The following ZNF804B variants were observed in gnomAD, a reference collection of about 807,000 sequenced individuals.
The protein encoded by ZNF804B is zinc finger 804B.
ZNF804B carries 80 observed loss-of-function variants against 101.4 expected under a neutral mutation model. The observed-to-expected ratio is 0.79, with a 90% CI of 0.66 to 0.95. The LOEUF (loss-of-function observed/expected upper bound fraction) is 0.95, where lower values mean the gene tolerates loss of function less well. Among genes scored for constraint, ZNF804B ranks in the 40% least tolerant of loss-of-function variants. The pLI, the probability that ZNF804B is intolerant of heterozygous loss-of-function variation, is 0.00. For missense variants in ZNF804B, 1,673 were observed against 1,561.9 expected (o/e 1.07, Z -1.20); for synonymous variants, 622 against 558.8 (o/e 1.11, Z -1.59).
chr7:89,161,611 A>G (rs1791065332), intron 1 of ZNF804B, among the ~76,000 whole-genome samples: 1 of 151,968 alleles, frequency 6.6e-6, no homozygotes. Flanking sequence ...CTGGTCTCAA[A>G]GTCCTGGGCT....
At chr7:89,083,021 T>C (rs1425690205) in intron 1 of ZNF804B, among the ~76,000 whole-genome samples, 1 of 151,826 alleles carries the variant, frequency 6.6e-6, no homozygotes, top group African/African-American at 2.4e-5. Context: ...GTTCATGTAA[T>C]ATTATTTTGA....
chr7:89,119,968 A>AT (rs5885656), intron 1 of ZNF804B, among the ~76,000 whole-genome samples: 25 of 150,264 alleles, frequency 1.7e-4, no homozygotes, highest in South Asian at 8.4e-4. Context: ...TTATCTAAAT[A>AT]TTTTTTTTTT....
chr7:88,814,209 A>G (rs1790838165), intron 1 of ZNF804B, among the ~76,000 whole-genome samples: 1 of 152,158 alleles, frequency 6.6e-6, no homozygotes, highest in Admixed American at 6.5e-5. Context: ...AAAGAACAGT[A>G]TATATACTTT....
At chr7:89,105,562 A>G (rs1245648179) in intron 1 of ZNF804B, among the ~76,000 whole-genome samples, 4 of 151,984 alleles carry the variant, frequency 2.6e-5, no homozygotes, top group Non-Finnish European at 4.4e-5. Context: ...ACTGACACCA[A>G]CTGGGTAGGG....
chr7:89,110,655 A>G (rs772501870), intron 1 of ZNF804B, among the ~76,000 whole-genome samples: 12 of 152,334 alleles, frequency 7.9e-5, no homozygotes, highest in African/African-American at 2.9e-4. Context: ...TATTATTAAC[A>G]TCTTGAATTA....
chr7:89,304,126 A>T (rs1315809778), intron 2 of ZNF804B, among the ~76,000 whole-genome samples: 1 of 151,828 alleles, frequency 6.6e-6, no homozygotes, highest in Admixed American at 6.6e-5. Context: ...ATAATCCACA[A>T]ATGTCTTTCC....
At chr7:89,261,875 T>G (rs530281313) in intron 2 of ZNF804B, among the ~76,000 whole-genome samples, 31 of 152,312 alleles carry the variant, frequency 2.0e-4, no homozygotes, top group African/African-American at 7.0e-4. Flanking sequence ...AGTGCCTGAC[T>G]TTATTTTCCA....
intron 1 of ZNF804B, among the ~76,000 whole-genome samples, chr7:89,068,634 C>T (rs535998506): frequency 6.6e-5 from 10 of 152,248 alleles, no homozygotes; most frequent in Admixed American, 1.3e-4. Flanking sequence ...ACATTATAAA[C>T]GGGAGATGCT....
chr7:88,845,519 A>G (rs1310755211), intron 1 of ZNF804B, among the ~76,000 whole-genome samples: 1 of 152,084 alleles, frequency 6.6e-6, no homozygotes, highest in Non-Finnish European at 1.5e-5. Flanking sequence ...CATGGTGCAT[A>G]AAATGTTTCT....
At chr7:88,787,053 A>G (rs1790313518) in intron 1 of ZNF804B, among the ~76,000 whole-genome samples, 1 of 152,084 alleles carries the variant, frequency 6.6e-6, no homozygotes, top group African/African-American at 2.4e-5. Context: ...AGAGGACATA[A>G]TTTGATTGCT....
intron 2 of ZNF804B, among the ~76,000 whole-genome samples, chr7:89,299,739 A>G (rs1790447593): frequency 6.6e-6 from 1 of 152,016 alleles, no homozygotes; most frequent in Non-Finnish European, 1.5e-5. Flanking sequence ...TATTTGTCCT[A>G]AGAGACTGAG....
intron 1 of ZNF804B, among the ~76,000 whole-genome samples, chr7:88,921,560 C>T (rs1472342214): frequency 6.6e-6 from 1 of 151,988 alleles, no homozygotes; most frequent in African/African-American, 2.4e-5. Context: ...GATTTGTTTC[C>T]TAGAAGAAAT....
chr7:88,772,548 T>C (rs1341698324), intron 1 of ZNF804B, among the ~76,000 whole-genome samples: 1 of 152,194 alleles, frequency 6.6e-6, no homozygotes, highest in African/African-American at 2.4e-5. Context: ...TCCCTAAGTC[T>C]GAAGGTCTTA....
chr7:89,240,384 A>G (rs1202164072), intron 2 of ZNF804B, among the ~76,000 whole-genome samples: 3 of 151,352 alleles, frequency 2.0e-5, no homozygotes, highest in Non-Finnish European at 4.4e-5. Flanking sequence ...GTTCATGTAA[A>G]TCCCATGCTG....
At chr7:89,112,105 CAAA>C (rs3060290) in intron 1 of ZNF804B, among the ~76,000 whole-genome samples, 1 of 118,778 alleles carries the variant, frequency 8.4e-6, no homozygotes. Flanking sequence ...GACTCTATCT[CAAA>C]AAAAAAAAAA....
chr7:89,293,103 A>T (rs909552356), intron 2 of ZNF804B, among the ~76,000 whole-genome samples: 1 of 150,780 alleles, frequency 6.6e-6, no homozygotes, highest in East Asian at 1.9e-4. Context: ...TATCTTCTGA[A>T]CTTTTGAATG....
At chr7:88,923,244 C>T (rs79887688) in intron 1 of ZNF804B, among the ~76,000 whole-genome samples, 8 of 152,120 alleles carry the variant, frequency 5.3e-5, no homozygotes, top group African/African-American at 1.2e-4. Flanking sequence ...TCCTCTGTAG[C>T]GTTGCTTTGG....
chr7:89,060,287 G>A (rs1237395161), intron 1 of ZNF804B, among the ~76,000 whole-genome samples: 4 of 152,144 alleles, frequency 2.6e-5, no homozygotes, highest in Admixed American at 2.6e-4. Context: ...TACTGGGAAA[G>A]CTGAATATCA....
chr7:89,095,193 T>C (rs1789954062), intron 1 of ZNF804B, among the ~76,000 whole-genome samples: 1 of 152,076 alleles, frequency 6.6e-6, no homozygotes, highest in South Asian at 2.1e-4. Flanking sequence ...AGGGATTTGA[T>C]GGAGAGGCTT....
Sources: allele counts gnomAD v4.1 joint callset (sites outside exome capture counted in the v4.1 genomes callset), GRCh38; gene constraint gnomAD v4.1.1; transcripts MANE v1.5; gene names NCBI Gene and HGNC (gene_info 2026-07-23, HGNC 2026-07-21).